CNP: variants seen among roughly 807,000 people sequenced by gnomAD.
The protein encoded by CNP is 2',3'-cyclic nucleotide 3' phosphodiesterase, also known as 2',3'-cyclic-nucleotide 3'-phosphodiesterase.
Under a neutral mutation model 37.9 loss-of-function variants are expected in CNP, and 8 were observed. The ratio of observed to expected loss-of-function variants is 0.21; its 90% CI spans 0.12 to 0.38. The LOEUF (loss-of-function observed/expected upper bound fraction) is 0.38. Ranked by LOEUF, CNP falls within the 10% of genes least tolerant of loss-of-function variation. The pLI is 1.00. For synonymous variants in CNP, 237 were observed against 238.3 expected (o/e 0.99, Z 0.05); for missense variants, 457 against 551.0 (o/e 0.83, Z 1.71).
At chr17:41,969,004 C>T (rs182141462) in intron 2 of CNP, among the ~76,000 whole-genome samples, 1 of 152,254 alleles carries the variant, frequency 6.6e-6, no homozygotes, top group East Asian at 1.9e-4. Flanking sequence ...ACACCCTTTT[C>T]CCAGCCTGAA....
chr17:41,972,531 A>G (rs74498651), intron 3 of CNP, among the ~76,000 whole-genome samples: 1 of 152,080 alleles, frequency 6.6e-6, no homozygotes, highest in Non-Finnish European at 1.5e-5. Flanking sequence ...CCTTACACCC[A>G]CAGCCACTGA....
chr17:41,969,658 C>G (rs1555643509), intron 2 of CNP, among the ~76,000 whole-genome samples: 1 of 152,136 alleles, frequency 6.6e-6, no homozygotes, highest in Non-Finnish European at 1.5e-5. Context: ...CAGATTCAAG[C>G]AATTCTCCTG....
At chr17:41,971,778 G>A (rs1335841942) in intron 2 of CNP, 114 bp from the exon 3 acceptor site, 4 of 1,377,548 alleles carry the variant, frequency 2.9e-6, no homozygotes, top group Admixed American at 4.0e-5. Flanking sequence ...GTGGGTTGCT[G>A]GAGAGGTGAT....
At chr17:41,973,440 C>G in intron 3 of CNP, 35 bp from the exon 4 acceptor site, 1 of 1,583,234 alleles carries the variant, frequency 6.3e-7, no homozygotes, top group Non-Finnish European at 8.6e-7. Context: ...AGCCTGCCAT[C>G]TCTAGCTTGG....
chr17:41,976,659 A>G lies in CNP; in HGVS notation c.*2735A>G. 1 of 1,568,532 alleles carries G rather than the reference A, an allele frequency of 6.4e-7. No homozygotes were observed. The highest frequency in any genetic ancestry group is 1.8e-5 in the Admixed American group (1 of 54,432). ...CACACGGAGACGTGATGAAGGGAGG[A>G]GGTGAACTGTTTCCACATTCAAGAT... On this transcript the variant is annotated 3_prime_UTR_variant, in exon 4 of 4. Transcript: ENST00000393892.
chr17:41,973,092 A>T (rs1257223548), intron 3 of CNP, among the ~76,000 whole-genome samples: 1 of 152,140 alleles, frequency 6.6e-6, no homozygotes, highest in African/African-American at 2.4e-5. Flanking sequence ...CTGTTTACCT[A>T]GTCACTCTCA....
intron 1 of CNP, chr17:41,967,688 C>G (rs2050922194): frequency 9.6e-7 from 1 of 1,044,732 alleles, no homozygotes; most frequent in Non-Finnish European, 1.2e-6. Context: ...TCTCTGTGCA[C>G]TCAGCCGTGG....
chr17:41,973,741 CGAGGA>C lies in CNP; in HGVS notation c.1085_1089del (p.Glu362GlyfsTer46). Reference sequence around the variant, plus strand: ...GGCAGGAGAAGGGGGGCAGCCGAGGCGAGGAGGTGGGCGAGCTAAGCCGGGGCAAG... The same window carrying C: ...GGCAGGAGAAGGGGGGCAGCCGAGGCGGTGGGCGAGCTAAGCCGGGGCAAG... On this transcript the variant is annotated frameshift_variant, in exon 4 of 4. Transcript: ENST00000393892. LOFTEE classifies it high-confidence loss of function. 6.2e-7 allele frequency: 1 copy of C among 1,611,530 alleles called. No homozygotes were observed. The highest frequency in any genetic ancestry group is 8.5e-7 in the Non-Finnish European group (1 of 1,178,626).
chr17:41,977,429 G>A lies in CNP; in HGVS notation c.*3505G>A. Reference sequence around the variant, plus strand: ...AACAGATCTCCAAAGCTTTCCTGGAGAGTCTCACTCCCCTCCTTTCCCAAC... The same window carrying A: ...AACAGATCTCCAAAGCTTTCCTGGAAAGTCTCACTCCCCTCCTTTCCCAAC... On this transcript the variant is annotated 3_prime_UTR_variant, in exon 4 of 4. Transcript: ENST00000393892. The A allele has an allele frequency of 9.6e-7, 1 of 1,037,142 alleles. No individual in the cohort carries two copies. The highest frequency in any genetic ancestry group is 1.4e-6 in the Non-Finnish European group (1 of 695,854). 64.2% of individuals were successfully genotyped at this position (1,037,142 alleles called of 1,614,324 possible).
In CNP at chr17:41,977,042, C is replaced by T. The variant is rs971800150; in HGVS notation, c.*3118C>T. 1 of 644,878 alleles carries T rather than the reference C, an allele frequency of 1.6e-6. No individual in the cohort carries two copies. The highest frequency in any genetic ancestry group is 1.8e-5 in the African/African-American group (1 of 54,652). The allele number at this position is 644,878 out of a possible 1,614,324, so 39.9% of individuals were successfully genotyped here. A position where few individuals can be genotyped will look rare whatever the true frequency, so the allele number is the denominator to read the frequency against. ...TAGGCAGTTAGAGATGCCTCCCTGA[C>T]CCTGCAGAGATGCGGTGGCTAAAGG... On this transcript the variant is annotated 3_prime_UTR_variant, in exon 4 of 4. Transcript: ENST00000393892.
chr17:41,971,868 A>G, intron 2 of CNP, 24 bp from the exon 3 acceptor site: 1 of 1,612,936 alleles, frequency 6.2e-7, no homozygotes, highest in Non-Finnish European at 8.5e-7. Flanking sequence ...CCCTGCCCTG[A>G]CTGCACCCGT....
In CNP at chr17:41,976,907, AG is replaced by A. The variant is rs1190973550; in HGVS notation, c.*2985del. 2.6e-6 allele frequency: 3 copies of A among 1,150,502 alleles called. No homozygotes were observed. The highest frequency in any genetic ancestry group is 1.6e-5 in the African/African-American group (1 of 64,052). 71.3% of individuals were successfully genotyped at this position (1,150,502 alleles called of 1,614,324 possible). The stretch of plus-strand genomic sequence containing the variant: ...AAACTCTATGGGTATCAAACAGCTC[AG>A]GCTGTTTTTGGGTGCAAGAGGGAGC... On this transcript the variant is annotated 3_prime_UTR_variant, in exon 4 of 4. Coordinates refer to ENST00000393892, the MANE Select transcript of CNP (RefSeq NM_033133.5).
rs1555644206 is a variant in CNP at position 41,973,699 on chromosome 17, C to A, written c.1041C>A (p.Asp347Glu). 6.2e-7 allele frequency: 1 copy of A among 1,612,976 alleles called. No individual in the cohort carries two copies. Among genetic ancestry groups the A allele is most frequent in the Non-Finnish European group, 8.5e-7 (1 of 1,179,334 alleles). The change falls in exon 4 of 4, where the codon GAC becomes GAA. Residue 347 changes from aspartate (D) to glutamate (E), a missense_variant. Around this residue, in one of 2 missense-constraint regions of CNP, gnomAD observed 291 missense variants for 291.7 expected, o/e 1.00. Coordinates refer to ENST00000393892, the MANE Select transcript of CNP (RefSeq NM_033133.5). ...ADVEAVQTGL[D>E]LLEILRQEKG... ...TAGAGGCCGTGCAGACGGGCCTTGACCTCTTAGAGATTCTGCGGCAGGAGA... is the reference window on the plus strand; with the variant it reads ...TAGAGGCCGTGCAGACGGGCCTTGAACTCTTAGAGATTCTGCGGCAGGAGA...
rs1307619464 is a variant in CNP, at chr17:41,976,290, C to T, written c.*2366C>T. 5.4e-6 allele frequency: 1 copy of T among 183,776 alleles called. No homozygotes were observed. The highest frequency in any genetic ancestry group is 1.1e-5 in the Non-Finnish European group (1 of 89,822). The allele number at this position is 183,776 out of a possible 1,614,324, so 11.4% of individuals were successfully genotyped here. A position where few individuals can be genotyped will look rare whatever the true frequency, so the allele number is the denominator to read the frequency against. ...GCCTGCCTAGCACTCACATGCTGGA[C>T]AGGTCTGGGAGAGGCAGAGTGCCCC... On this transcript the variant is annotated 3_prime_UTR_variant, in exon 4 of 4. Transcript: ENST00000393892.
chr17:41,970,974 C>G (rs1458498899), intron 2 of CNP: 1 of 152,240 alleles, frequency 6.6e-6, no homozygotes, highest in Non-Finnish European at 1.5e-5. Flanking sequence ...GAGGCCCCCC[C>G]ATAGGCCTGC....
In CNP at chr17:41,974,175, G is replaced by A. The variant is rs1292794780; in HGVS notation, c.*251G>A. 6.4e-6 allele frequency: 2 copies of A among 312,182 alleles called. No homozygotes were observed. The highest frequency in any genetic ancestry group is 1.2e-5 in the Non-Finnish European group (2 of 171,708). The allele number at this position is 312,182 out of a possible 1,614,324, so 19.3% of individuals were successfully genotyped here. A position where few individuals can be genotyped will look rare whatever the true frequency, so the allele number is the denominator to read the frequency against. ...AGGAACCTGGACCAAAGCTGACGAG[G>A]CTGGGCCAAGCCAGGGATGGGGCCA... is the stretch of plus-strand genomic sequence containing the variant. On this transcript the variant is annotated 3_prime_UTR_variant, in exon 4 of 4. Coordinates refer to ENST00000393892, the MANE Select transcript of CNP (RefSeq NM_033133.5).
Position 41,968,604 on chromosome 17 carries a change from G to A in CNP, c.540G>A (p.Gly180=), listed in dbSNP as rs374696577. Residue 180 remains glycine, a synonymous_variant, in exon 2 of 4, where the codon GGG becomes GGA. Coordinates refer to ENST00000393892, the MANE Select transcript of CNP (RefSeq NM_033133.5). The surrounding 1 kb of genome is among the most constrained non-coding windows in gnomAD (Gnocchi z 4.8). ...SADDLKKLKP[G]LEKDFLPLYF... is the part of the protein sequence containing the mutation. ...ATGACCTGAAGAAGCTGAAGCCTGGGCTGGAGAAGGACTTCCTGCCGCTCT... is the reference window on the plus strand; with the variant it reads ...ATGACCTGAAGAAGCTGAAGCCTGGACTGGAGAAGGACTTCCTGCCGCTCT... 5 of 1,614,032 alleles carry A rather than the reference G, an allele frequency of 3.1e-6. No individual in the cohort carries two copies. The highest frequency in any genetic ancestry group is 1.3e-5 in the African/African-American group (1 of 74,932).
rs1430751341 is a variant in CNP at position 41,977,070 on chromosome 17, C to T, written c.*3146C>T. The T allele has an allele frequency of 1.5e-6, 1 of 687,656 alleles. No homozygotes were observed. The highest frequency in any genetic ancestry group is 2.4e-6 in the Non-Finnish European group (1 of 410,508). 42.6% of individuals were successfully genotyped at this position (687,656 alleles called of 1,614,324 possible). Reference sequence around the variant, plus strand: ...TGCAGAGATGCGGTGGCTAAAGGTCCCAAGGCAAGGGGTGCCTGGGAACCT... The same window carrying T: ...TGCAGAGATGCGGTGGCTAAAGGTCTCAAGGCAAGGGGTGCCTGGGAACCT... On this transcript the variant is annotated 3_prime_UTR_variant, in exon 4 of 4. Transcript: ENST00000393892.
chr17:41,968,121 C>G lies in CNP; in HGVS notation c.57C>G (p.Arg19=). 6.2e-7 allele frequency: 1 copy of G among 1,614,248 alleles called. No homozygotes were observed. Among genetic ancestry groups the G allele is most frequent in the Non-Finnish European group, 8.5e-7 (1 of 1,180,042 alleles). ...CATTCCTGCCCAAGATCTTCTTCCG[C>G]AAGATGTCATCCTCAGGGGCCAAGG... The part of the protein sequence containing the change: ...SHTFLPKIFF[R]KMSSSGAKDK... The change falls in exon 2 of 4, where the codon CGC becomes CGG. Residue 19 remains arginine (R), a synonymous_variant. Transcript: ENST00000393892. This position sits in a 1 kb window ranked among gnomAD's most constrained non-coding sequence, Gnocchi z 4.8.
Sources: allele counts gnomAD v4.1 joint callset (sites outside exome capture counted in the v4.1 genomes callset), GRCh38; gene constraint gnomAD v4.1.1; regional missense constraint gnomAD v4.1.1; non-coding constraint Gnocchi (gnomAD v3.1); transcripts MANE v1.5; gene names NCBI Gene and HGNC (gene_info 2026-07-23, HGNC 2026-07-21).